DTNBP1: variants seen among roughly 807,000 people sequenced by gnomAD.
DTNBP1 encodes the protein dysbindin.
Under a neutral mutation model 42.8 loss-of-function variants are expected in DTNBP1, and 35 were observed. The observed-to-expected ratio is 0.82, with a 90% CI of 0.63 to 1.09. DTNBP1 has a LOEUF of 1.09. Among genes scored for constraint, DTNBP1 ranks in the 50% least tolerant of loss-of-function variants. The pLI, the probability that DTNBP1 is intolerant of heterozygous loss-of-function variation, is 0.00. For missense variants in DTNBP1, 457 were observed against 424.2 expected (o/e 1.08, Z -0.68); for synonymous variants, 171 against 162.2 (o/e 1.05, Z -0.41).
rs1199954920 is a variant in DTNBP1 at position 15,613,332 on chromosome 6, AT to A, written c.488+1934del. On this transcript the variant is annotated intron_variant, in intron 6 of 9. Transcript: ENST00000344537. ...AAAAAAAAAAAAAAAAAAAAAAAAA[AT>A]GCCCCTTTTTTGACACGGACCCCAT... Among the ~76,000 whole-genome samples, 229 of 136,248 alleles carry A rather than the reference AT, an allele frequency of 1.7e-3. 16 individuals are homozygous for A. The highest frequency in any genetic ancestry group is 0.011 in the Middle Eastern group (3 of 266). The allele number at this position is 136,248 out of a possible 152,430, so 89.4% of individuals were successfully genotyped here.
chr6:15,595,815 G>A (rs1394590377), intron 6 of DTNBP1, among the ~76,000 whole-genome samples: 1 of 152,190 alleles, frequency 6.6e-6, no homozygotes, highest in Non-Finnish European at 1.5e-5. Context: ...ACTTCAGCAA[G>A]TACTTGTCCT....
intron 4 of DTNBP1, among the ~76,000 whole-genome samples, chr6:15,630,873 G>A (rs7738263): frequency 0.19 from 28,258 of 152,088 alleles, 2,958 homozygotes; most frequent in Non-Finnish European, 0.24. Context: ...AGCCAAGATC[G>A]CACCACTGCA....
intron 6 of DTNBP1, among the ~76,000 whole-genome samples, chr6:15,606,245 C>T (rs917007043): frequency 1.3e-5 from 2 of 152,232 alleles, no homozygotes; most frequent in African/African-American, 4.8e-5. Context: ...TAATGGGTCA[C>T]AGTCCTGTTT....
chr6:15,632,912 A>G (rs1759772210), intron 4 of DTNBP1, among the ~76,000 whole-genome samples: 1 of 152,236 alleles, frequency 6.6e-6, no homozygotes. Context: ...TTATTATCCA[A>G]TATTCATAAG....
Position 15,562,708 on chromosome 6 carries a change from C to T in DTNBP1, c.512-29313G>A, listed in dbSNP as rs890579741. The stretch of plus-strand genomic sequence containing the variant: ...GAAGCCATAGAAACTAGCATAATCA[C>T]CCTTATTACAATCTCCTAAATTATG... On this transcript the variant is annotated intron_variant, in intron 7 of 9. Transcript: ENST00000344537. 2.6e-5 allele frequency among the ~76,000 whole-genome samples: 4 copies of T among 152,282 alleles called. No individual in the cohort carries two copies. The East Asian group carries it at 7.7e-4, about 29-fold the overall frequency.
At chr6:15,582,809 G>A (rs1280598904) in intron 7 of DTNBP1, among the ~76,000 whole-genome samples, 1 of 152,080 alleles carries the variant, frequency 6.6e-6, no homozygotes, top group Non-Finnish European at 1.5e-5. Context: ...ATATTATTAA[G>A]TATCCTATGC....
intron 5 of DTNBP1, among the ~76,000 whole-genome samples, chr6:15,620,440 G>A (rs867687931): frequency 1.5e-4 from 23 of 151,950 alleles, no homozygotes; most frequent in African/African-American, 5.3e-4. Flanking sequence ...TTCCTGCGTT[G>A]GCCTCCCAAA....
chr6:15,660,646 C>T, intron 1 of DTNBP1: 6 of 852,452 alleles, frequency 7.0e-6, no homozygotes, highest in Non-Finnish European at 9.8e-6. Context: ...TAACTAGATC[C>T]CTTTGGCATG....
rs200644873 is a variant in DTNBP1 at position 15,615,359 on chromosome 6, C to G, written c.396G>C (p.Leu132=). 60 of 1,613,966 alleles carry G rather than the reference C, an allele frequency of 3.7e-5. No individual in the cohort carries two copies. The highest frequency in any genetic ancestry group is 4.9e-5 in the Non-Finnish European group (58 of 1,180,020). The change falls in exon 6 of 10, where the codon CTG becomes CTC. Residue 132 remains leucine, a synonymous_variant. Coordinates refer to ENST00000344537, the MANE Select transcript of DTNBP1 (RefSeq NM_032122.5). ...EASFEEVENN[L]LHLEDLCGQC... is the part of the protein sequence containing the mutation. ...GCCCACATAAGTCTTCCAGATGCAG[C>G]AGGTTGTTCTCTACCTCCTCAAAAC... is the stretch of plus-strand genomic sequence containing the variant.
intron 6 of DTNBP1, among the ~76,000 whole-genome samples, chr6:15,609,471 T>G (rs1182735224): frequency 6.6e-6 from 1 of 151,950 alleles, no homozygotes; most frequent in Non-Finnish European, 1.5e-5. Context: ...AGGTGCACCC[T>G]GCCATGCCCA....
intron 5 of DTNBP1, among the ~76,000 whole-genome samples, chr6:15,620,024 C>CG (rs1050579074): frequency 4.0e-5 from 6 of 151,308 alleles, no homozygotes; most frequent in Non-Finnish European, 8.8e-5. Context: ...TGAATTTGGT[C>CG]GGGGGGGAAT....
chr6:15,569,718 A>G (rs1775260935), intron 7 of DTNBP1, among the ~76,000 whole-genome samples: 1 of 152,102 alleles, frequency 6.6e-6, no homozygotes, highest in African/African-American at 2.4e-5. Flanking sequence ...CACACCTGCC[A>G]AGCTCTGTAC....
At chr6:15,659,286 G>A (rs1424628890) in intron 1 of DTNBP1, among the ~76,000 whole-genome samples, 4 of 152,202 alleles carry the variant, frequency 2.6e-5, no homozygotes, top group African/African-American at 4.8e-5. Flanking sequence ...CAGAAGCTCC[G>A]AAGAGAGGAT....
intron 4 of DTNBP1, among the ~76,000 whole-genome samples, chr6:15,634,458 A>G (rs189800569): frequency 3.9e-5 from 6 of 152,164 alleles, no homozygotes; most frequent in Non-Finnish European, 8.8e-5. Flanking sequence ...CTGGAATTAC[A>G]GGTGCCTGCC....
rs150198237 is a variant in DTNBP1 at position 15,648,516 on chromosome 6, A to C, written c.161+2797T>G. ...CAGAAAACCCTGAAAGTTCCACACAAAAAACTATCAGGATAAAGGAACTCA... is the reference window on the plus strand; with the variant it reads ...CAGAAAACCCTGAAAGTTCCACACACAAAACTATCAGGATAAAGGAACTCA... On this transcript the variant is annotated intron_variant, in intron 3 of 9. Transcript: ENST00000344537. Among the ~76,000 whole-genome samples the C allele has an allele frequency of 4.7e-3, 718 of 152,234 alleles. 6 individuals carry two copies. Among genetic ancestry groups the C allele is most frequent in the African/African-American group, 0.017 (691 of 41,574 alleles).
chr6:15,617,963 C>T (rs1428660554), intron 5 of DTNBP1, among the ~76,000 whole-genome samples: 4 of 152,068 alleles, frequency 2.6e-5, no homozygotes, highest in Non-Finnish European at 5.9e-5. Context: ...AAAATACCTA[C>T]AAACTACTCA....
At chr6:15,569,108 T>C (rs1226857313) in intron 7 of DTNBP1, among the ~76,000 whole-genome samples, 1 of 152,218 alleles carries the variant, frequency 6.6e-6, no homozygotes, top group African/African-American at 2.4e-5. Context: ...AGGCTGCACT[T>C]TGACCCACTT....
chr6:15,638,696 T>C (rs1407538532), intron 3 of DTNBP1, among the ~76,000 whole-genome samples: 1 of 152,236 alleles, frequency 6.6e-6, no homozygotes, highest in Non-Finnish European at 1.5e-5. Context: ...ATCAACATTA[T>C]GTGCCTCCTG....
In DTNBP1 at chr6:15,595,173, A is replaced by T. The variant is rs778294174; in HGVS notation, c.489-2092T>A. On this transcript the variant is annotated intron_variant, in intron 6 of 9. Coordinates refer to ENST00000344537, the MANE Select transcript of DTNBP1 (RefSeq NM_032122.5). ...CTTCAGAAAATCATTCCTGTACCCAATTCCTAAAACAGATGACTGCTTGAA... is the reference window on the plus strand; with the variant it reads ...CTTCAGAAAATCATTCCTGTACCCATTTCCTAAAACAGATGACTGCTTGAA... 20 of 455,342 alleles carry T rather than the reference A, an allele frequency of 4.4e-5. No homozygotes were observed. In the East Asian group the frequency reaches 1.4e-3, roughly 32 times the overall value. The allele number at this position is 455,342 out of a possible 1,614,324, so 28.2% of individuals were successfully genotyped here.
Sources: gnomAD v4.1 joint callset for allele counts (sites outside exome capture counted in the v4.1 genomes callset) on GRCh38, gnomAD v4.1.1 for gene constraint, MANE v1.5 for transcripts, NCBI Gene and HGNC (gene_info 2026-07-23, HGNC 2026-07-21) for gene names.